GSG1L: variants seen among roughly 807,000 people sequenced by gnomAD.
GSG1L encodes the protein germ cell-specific gene 1-like protein.
Under a neutral mutation model 42.1 loss-of-function variants are expected in GSG1L, and 24 were observed. The ratio of observed to expected loss-of-function variants is 0.57; its 90% CI spans 0.41 to 0.80. The LOEUF is 0.80. Ranked by LOEUF, GSG1L falls within the 30% of genes least tolerant of loss-of-function variation. GSG1L has a pLI of 0.00. For synonymous variants in GSG1L, 215 were observed against 203.5 expected (o/e 1.06, Z -0.48); for missense variants, 445 against 472.2 (o/e 0.94, Z 0.53).
chr16:27,908,766 T>C (rs561916395), intron 2 of GSG1L, among the ~76,000 whole-genome samples: 2 of 152,280 alleles, frequency 1.3e-5, no homozygotes, highest in African/African-American at 4.8e-5. Flanking sequence ...CACCGTTGCA[T>C]TGGGATTAAG....
At chr16:27,930,573 C>T (rs529249438) in intron 2 of GSG1L, among the ~76,000 whole-genome samples, 1 of 152,256 alleles carries the variant, frequency 6.6e-6, no homozygotes, top group African/African-American at 2.4e-5. Context: ...AAGAAATGTG[C>T]ACTGATGGAA....
chr16:27,925,605 C>G (rs1369028016), intron 2 of GSG1L, among the ~76,000 whole-genome samples: 1 of 152,064 alleles, frequency 6.6e-6, no homozygotes, highest in Non-Finnish European at 1.5e-5. Flanking sequence ...GAGGTGGGTG[C>G]AGGGAGGCCA....
At chr16:27,890,954 C>T (rs978713429) in intron 2 of GSG1L, among the ~76,000 whole-genome samples, 2 of 152,146 alleles carry the variant, frequency 1.3e-5, no homozygotes, top group Admixed American at 1.3e-4. Context: ...TGCGGTGCTC[C>T]CAGCCTGCCC....
intron 3 of GSG1L, among the ~76,000 whole-genome samples, chr16:27,880,214 C>T (rs570496162): frequency 6.6e-6 from 1 of 152,348 alleles, no homozygotes; most frequent in East Asian, 1.9e-4. Flanking sequence ...ACCAGCCTCC[C>T]ATGTCTTCCT....
intron 2 of GSG1L, among the ~76,000 whole-genome samples, chr16:27,888,741 C>T (rs1301206453): frequency 6.6e-6 from 1 of 151,550 alleles, no homozygotes; most frequent in Non-Finnish European, 1.5e-5. Context: ...CGTCAGCCTC[C>T]CGAGTAGCTG....
chr16:27,796,999 T>A (rs2144398451), intron 6 of GSG1L, among the ~76,000 whole-genome samples: 1 of 152,308 alleles, frequency 6.6e-6, no homozygotes, highest in East Asian at 1.9e-4. Flanking sequence ...ACTCCTGCTG[T>A]GTGCCAGGAA....
intron 2 of GSG1L, among the ~76,000 whole-genome samples, chr16:27,901,518 T>A (rs2141042715): frequency 6.6e-6 from 1 of 152,214 alleles, no homozygotes; most frequent in Non-Finnish European, 1.5e-5. Flanking sequence ...TAAGGCAGAA[T>A]GAAGAATCTC....
At chr16:28,055,864 C>T (rs568780921) in intron 1 of GSG1L, among the ~76,000 whole-genome samples, 7 of 152,246 alleles carry the variant, frequency 4.6e-5, no homozygotes, top group South Asian at 2.1e-4. Context: ...AGCAGAGGCC[C>T]GAGGTTGCAG....
chr16:27,849,062 G>C (rs1450575509), intron 3 of GSG1L, among the ~76,000 whole-genome samples: 2 of 152,006 alleles, frequency 1.3e-5, no homozygotes, highest in Non-Finnish European at 2.9e-5. Flanking sequence ...CAGGTGTGGT[G>C]GCACATGCCT....
At chr16:27,796,219 T>C (rs2082816361) in intron 6 of GSG1L, among the ~76,000 whole-genome samples, 1 of 152,190 alleles carries the variant, frequency 6.6e-6, no homozygotes, top group Admixed American at 6.5e-5. Flanking sequence ...CCTCTCTCTA[T>C]AGGACTCACA....
chr16:27,896,744 T>C (rs1658750511), intron 2 of GSG1L, among the ~76,000 whole-genome samples: 1 of 152,120 alleles, frequency 6.6e-6, no homozygotes, highest in Non-Finnish European at 1.5e-5. Context: ...GTTGCAGTGA[T>C]GCGGGGCCAT....
At position 28,063,186 on chromosome 16, in the gene GSG1L, C is replaced by T; in HGVS notation, c.239G>A (p.Gly80Asp). The change falls in exon 1 of 7, where the codon GGC (glycine) becomes GAC (aspartate). Residue 80 changes from glycine (G) to aspartate (D), a missense_variant. Coordinates refer to ENST00000447459, the MANE Select transcript of GSG1L (RefSeq NM_001109763.2). This position sits in a 1 kb window ranked among gnomAD's most constrained non-coding sequence, Gnocchi z 5.8. ...AAAAATASGN[G>D]PPGGALYSWE... Reference sequence around the variant, plus strand: ...GCTGTAGAGCGCGCCGCCAGGGGGGCCGTTCCCCGAGGCGGTGGCGGCGGC... The same window carrying T: ...GCTGTAGAGCGCGCCGCCAGGGGGGTCGTTCCCCGAGGCGGTGGCGGCGGC... 7.6e-7 allele frequency: 1 copy of T among 1,315,580 alleles called. No individual in the cohort carries two copies. The highest frequency in any genetic ancestry group is 2.1e-5 in the South Asian group (1 of 47,370). The allele number at this position is 1,315,580 out of a possible 1,614,324, so 81.5% of individuals were successfully genotyped here.
chr16:27,852,367 G>A (rs1365700585), intron 3 of GSG1L, among the ~76,000 whole-genome samples: 4 of 151,978 alleles, frequency 2.6e-5, no homozygotes, highest in African/African-American at 9.7e-5. Flanking sequence ...TGGTCAAGCG[G>A]CCTGTCCTCC....
chr16:27,924,282 A>G (rs1443092836), intron 2 of GSG1L, among the ~76,000 whole-genome samples: 1 of 151,778 alleles, frequency 6.6e-6, no homozygotes, highest in East Asian at 1.9e-4. Context: ...TGTACTATAT[A>G]GAATATGTGT....
chr16:27,959,911 A>G (rs2141104520), intron 2 of GSG1L, among the ~76,000 whole-genome samples: 1 of 152,374 alleles, frequency 6.6e-6, no homozygotes, highest in East Asian at 1.9e-4. Flanking sequence ...GCATAAAACA[A>G]AAAAGACATT....
intron 6 of GSG1L, among the ~76,000 whole-genome samples, chr16:27,793,271 G>T (rs1361018812): frequency 6.6e-6 from 1 of 152,142 alleles, no homozygotes; most frequent in Non-Finnish European, 1.5e-5. Flanking sequence ...GGGGTGGGGG[G>T]TAATATTTTT....
chr16:27,789,788 A>G lies in GSG1L; in HGVS notation c.*1582T>C, dbSNP rs1450297118. 4.0e-5 allele frequency: 6 copies of G among 150,398 alleles called. No individual in the cohort carries two copies. The highest frequency in any genetic ancestry group is 3.3e-4 in the Admixed American group (5 of 15,150). The allele number at this position is 150,398 out of a possible 1,614,324, so 9.3% of individuals were successfully genotyped here. On this transcript the variant is annotated 3_prime_UTR_variant, in exon 7 of 7. Coordinates refer to ENST00000447459, the MANE Select transcript of GSG1L (RefSeq NM_001109763.2). The stretch of plus-strand genomic sequence containing the variant: ...GGATGATGAATGGATGGATGAATGG[A>G]TAGATAATGGATGGACAGATGATGG...
At chr16:27,903,803 G>A (rs1371106259) in intron 2 of GSG1L, among the ~76,000 whole-genome samples, 1 of 152,024 alleles carries the variant, frequency 6.6e-6, no homozygotes, top group Admixed American at 6.5e-5. Flanking sequence ...AGTCAAGACA[G>A]AGACCCCCCA....
At chr16:27,975,579 T>C (rs1337716788) in intron 1 of GSG1L, among the ~76,000 whole-genome samples, 1 of 152,234 alleles carries the variant, frequency 6.6e-6, no homozygotes, top group Non-Finnish European at 1.5e-5. Context: ...CGTGTAGTCC[T>C]GTGTGCACTG....
Sources: allele counts gnomAD v4.1 joint callset (sites outside exome capture counted in the v4.1 genomes callset), GRCh38; gene constraint gnomAD v4.1.1; non-coding constraint Gnocchi (gnomAD v3.1); transcripts MANE v1.5; gene names NCBI Gene and HGNC (gene_info 2026-07-23, HGNC 2026-07-21).